KCNT2: variants seen among roughly 807,000 people sequenced by gnomAD.
KCNT2 encodes potassium sodium-activated channel subfamily T member 2, also known as potassium channel subfamily T member 2.
A neutral mutation model predicts 153.8 loss-of-function variants in KCNT2; 67 were observed. The observed-to-expected ratio is 0.44, with a 90% CI of 0.36 to 0.53. The LOEUF is 0.53. Ranked by LOEUF, KCNT2 falls within the 20% of genes least tolerant of loss-of-function variation. The pLI is 0.00. For missense variants in KCNT2, 975 were observed against 1,354.8 expected (o/e 0.72, Z 4.40); for synonymous variants, 500 against 458.8 (o/e 1.09, Z -1.15).
chr1:196,508,513 G>A (rs1013440066), intron 1 of KCNT2, among the ~76,000 whole-genome samples: 1 of 152,074 alleles, frequency 6.6e-6, no homozygotes, highest in African/African-American at 2.4e-5. Flanking sequence ...CTTAAAGAAA[G>A]TGAAATAAGT....
At chr1:196,260,434 A>G (rs1056219580) in intron 25 of KCNT2, among the ~76,000 whole-genome samples, 1 of 151,896 alleles carries the variant, frequency 6.6e-6, no homozygotes, top group African/African-American at 2.4e-5. Flanking sequence ...AAACCTATGT[A>G]TACATTAGTT....
chr1:196,597,553 G>A (rs1402811621), intron 1 of KCNT2, among the ~76,000 whole-genome samples: 1 of 152,032 alleles, frequency 6.6e-6, no homozygotes, highest in Non-Finnish European at 1.5e-5. Flanking sequence ...ACTAATCAAA[G>A]ATCCACAGGA....
chr1:196,242,760 A>G (rs1333817509), intron 26 of KCNT2, among the ~76,000 whole-genome samples: 24 of 152,152 alleles, frequency 1.6e-4, no homozygotes. Flanking sequence ...ATTTTCTTAG[A>G]ATAGCTTCAT....
intron 22 of KCNT2, among the ~76,000 whole-genome samples, chr1:196,297,467 G>C (rs1159419986): frequency 6.6e-6 from 1 of 152,046 alleles, no homozygotes; most frequent in East Asian, 1.9e-4. Flanking sequence ...CATTGTCTTA[G>C]TAGCATAATG....
chr1:196,312,555 G>A lies in KCNT2; in HGVS notation c.2483+3337C>T, dbSNP rs561645880. On this transcript the variant is annotated intron_variant, in intron 21 of 27. Coordinates refer to ENST00000294725, the MANE Select transcript of KCNT2 (RefSeq NM_198503.5). ...CACTTCAAAATAAACAATGTGATAC[G>A]TGCATGCATTGGTTTAAGTTAAATA... Among the ~76,000 whole-genome samples, 17 of 151,802 alleles carry A rather than the reference G, an allele frequency of 1.1e-4. No homozygotes were observed. The East Asian group carries it at 2.7e-3, about 24-fold the overall frequency.
At chr1:196,457,584 G>T (rs1378606820) in intron 8 of KCNT2, among the ~76,000 whole-genome samples, 1 of 149,962 alleles carries the variant, frequency 6.7e-6, no homozygotes, top group African/African-American at 2.4e-5. Context: ...CATTAAGAGA[G>T]TAATTAAGGA....
At chr1:196,244,144 T>C (rs1655211042) in intron 26 of KCNT2, among the ~76,000 whole-genome samples, 1 of 152,056 alleles carries the variant, frequency 6.6e-6, no homozygotes. Context: ...GCAGCATTCA[T>C]TACCTGCCAA....
chr1:196,277,941 T>A (rs985163389), intron 25 of KCNT2, among the ~76,000 whole-genome samples: 2 of 152,280 alleles, frequency 1.3e-5, no homozygotes, highest in South Asian at 4.1e-4. Context: ...ACTTTTTTAG[T>A]TAAAGATTAA....
At chr1:196,282,623 G>A (rs909028528) in intron 23 of KCNT2, among the ~76,000 whole-genome samples, 19 of 151,922 alleles carry the variant, frequency 1.3e-4, no homozygotes, top group African/African-American at 4.6e-4. Context: ...TGTGTTATTA[G>A]GCATGATAAA....
In KCNT2 at chr1:196,285,776, A is replaced by G. The variant is rs1467977371; in HGVS notation, c.2596-18T>C. The G allele has an allele frequency of 6.7e-7, 1 of 1,503,106 alleles. No homozygotes were observed. The highest frequency in any genetic ancestry group is 9.3e-7 in the Non-Finnish European group (1 of 1,080,578). 93.1% of individuals were successfully genotyped at this position (1,503,106 alleles called of 1,614,324 possible). The stretch of plus-strand genomic sequence containing the variant: ...CGTTCTTTCTGTTCAGAAATTTGAG[A>G]TAGAAAAATTTGTGAGCATTCCACA... On this transcript the variant is annotated intron_variant, in intron 22 of 27. Transcript: ENST00000294725.
chr1:196,505,647 G>T (rs1278079713), intron 1 of KCNT2, among the ~76,000 whole-genome samples: 2 of 152,008 alleles, frequency 1.3e-5, no homozygotes, highest in Non-Finnish European at 2.9e-5. Flanking sequence ...TGATGGGGAT[G>T]GCATTGAATC....
rs549932037 is a variant in KCNT2, at chr1:196,354,045, G to C, written c.1404-11817C>G. Among the ~76,000 whole-genome samples the C allele has an allele frequency of 2.0e-5, 3 of 151,846 alleles. No homozygotes were observed. The East Asian group carries it at 5.8e-4, about 29-fold the overall frequency. On this transcript the variant is annotated intron_variant, in intron 14 of 27. Transcript: ENST00000294725. ...TCTTATTATACTGATGACTTCCTAC[G>C]TTTTTATGAACCTGTATGTTTTTGT...
intron 25 of KCNT2, among the ~76,000 whole-genome samples, chr1:196,259,288 T>G (rs934762476): frequency 5.9e-5 from 9 of 152,132 alleles, no homozygotes; most frequent in Non-Finnish European, 1.0e-4. Context: ...ATGACTAAAT[T>G]TGATTTTTAA....
intron 14 of KCNT2, among the ~76,000 whole-genome samples, chr1:196,348,289 T>C (rs766296195): frequency 1.3e-5 from 2 of 151,534 alleles, no homozygotes; most frequent in South Asian, 4.2e-4. Context: ...TGTAATTAGA[T>C]AAAAATAGCA....
At chr1:196,374,228 A>G (rs2148337003) in intron 13 of KCNT2, among the ~76,000 whole-genome samples, 1 of 152,014 alleles carries the variant, frequency 6.6e-6, no homozygotes, top group South Asian at 2.1e-4. Flanking sequence ...ATTAAGAAAT[A>G]GAAGATCAAA....
chr1:196,522,244 T>C (rs1653537979), intron 1 of KCNT2, among the ~76,000 whole-genome samples: 1 of 152,148 alleles, frequency 6.6e-6, no homozygotes, highest in African/African-American at 2.4e-5. Context: ...TAACAAAAAT[T>C]AAAGATTAAT....
At chr1:196,520,019 G>A (rs902863814) in intron 1 of KCNT2, among the ~76,000 whole-genome samples, 2 of 151,880 alleles carry the variant, frequency 1.3e-5, no homozygotes, top group Admixed American at 6.6e-5. Context: ...AAAACTTCAG[G>A]CCAATATCCT....
intron 27 of KCNT2, among the ~76,000 whole-genome samples, chr1:196,232,876 A>G (rs1571732971): frequency 6.6e-6 from 1 of 151,440 alleles, no homozygotes; most frequent in Admixed American, 6.6e-5. Flanking sequence ...CTTAAGAAAC[A>G]TAATTTATTA....
intron 8 of KCNT2, among the ~76,000 whole-genome samples, chr1:196,463,425 G>C (rs973163657): frequency 6.6e-6 from 1 of 151,612 alleles, no homozygotes; most frequent in Non-Finnish European, 1.5e-5. Context: ...TTATCCATTT[G>C]AGTTATTATA....
Sources: allele counts gnomAD v4.1 joint callset (sites outside exome capture counted in the v4.1 genomes callset), GRCh38; gene constraint gnomAD v4.1.1; transcripts MANE v1.5; gene names NCBI Gene and HGNC (gene_info 2026-07-23, HGNC 2026-07-21).